Variants in SUPT3H observed in about 807,000 individuals in gnomAD.
The protein encoded by SUPT3H is transcription initiation protein SPT3 homolog.
A neutral mutation model predicts 44.3 loss-of-function variants in SUPT3H; 44 were observed. The ratio of observed to expected loss-of-function variants is 0.99; its 90% confidence interval spans 0.78 to 1.28. The LOEUF is 1.28. SUPT3H is among the 50% of genes most tolerant of loss of function. The probability of loss-of-function intolerance (pLI) is 0.00; values close to 1 mark genes in which losing one functional copy is unlikely to be tolerated. For synonymous variants in SUPT3H, 124 were observed against 125.6 expected, an observed-to-expected ratio of 0.99 and a Z score of 0.09; for missense variants, 380 against 387.1, an observed-to-expected ratio of 0.98 and a Z score of 0.15.
In SUPT3H at chr6:45,225,278, TAAAAAA is replaced by T. The variant is rs11333549; in HGVS notation, c.102-119278_102-119273del. On this transcript the variant is annotated intron_variant, in intron 2 of 10. Coordinates refer to ENST00000371459, the MANE Select transcript of SUPT3H (RefSeq NM_003599.4). ...TGGACAACAAGAGCGAAACTCCATC[TAAAAAA>T]AAAAAAAAAAAGACAATAAAAATAT... Among the ~76,000 whole-genome samples, 6 of 132,148 alleles carry T rather than the reference TAAAAAA, an allele frequency of 4.5e-5. No homozygotes were observed. The Admixed American group carries it at 4.6e-4, about 10-fold the overall frequency. 86.7% of individuals were successfully genotyped at this position (132,148 alleles called of 152,430 possible). A position where few individuals can be genotyped will look rare whatever the true frequency, so the allele number is the denominator to read the frequency against.
At chr6:45,342,557 C>T (rs942347060) in intron 2 of SUPT3H, among the ~76,000 whole-genome samples, 8 of 152,132 alleles carry the variant, frequency 5.3e-5, no homozygotes, top group African/African-American at 1.9e-4. Flanking sequence ...CGACACCCAG[C>T]CCTACAATCT....
intron 6 of SUPT3H, among the ~76,000 whole-genome samples, chr6:44,967,976 G>C (rs1777004912): frequency 6.6e-6 from 1 of 151,880 alleles, no homozygotes; most frequent in Non-Finnish European, 1.5e-5. Context: ...TATTTTTATA[G>C]AGATGAGATC....
At chr6:44,920,559 T>G (rs967689442) in intron 10 of SUPT3H, among the ~76,000 whole-genome samples, 1 of 123,246 alleles carries the variant, frequency 8.1e-6, no homozygotes, top group Non-Finnish European at 1.8e-5. Flanking sequence ...GGGACCTTGT[T>G]TCTTTCAAAA....
At chr6:45,290,358 C>T (rs940604434) in intron 2 of SUPT3H, among the ~76,000 whole-genome samples, 1 of 149,626 alleles carries the variant, frequency 6.7e-6, no homozygotes, top group African/African-American at 2.5e-5. Context: ...CTACCAGGCA[C>T]AGATCAAACT....
At chr6:45,052,650 G>A (rs1790478406) in intron 3 of SUPT3H, among the ~76,000 whole-genome samples, 1 of 152,068 alleles carries the variant, frequency 6.6e-6, no homozygotes, top group African/African-American at 2.4e-5. Flanking sequence ...CTTAGAAAAT[G>A]CCCCATTATT....
At chr6:45,013,147 C>T (rs189542123) in intron 5 of SUPT3H, among the ~76,000 whole-genome samples, 1 of 152,086 alleles carries the variant, frequency 6.6e-6, no homozygotes, top group Admixed American at 6.6e-5. Flanking sequence ...AATGTTGGGC[C>T]CCTGTGAAAT....
chr6:45,370,558 A>G (rs1795887967), intron 1 of SUPT3H, among the ~76,000 whole-genome samples: 1 of 152,208 alleles, frequency 6.6e-6, no homozygotes, highest in African/African-American at 2.4e-5. Context: ...AATCAATATA[A>G]TAGAACTTTG....
chr6:45,130,648 C>T (rs1246062768), intron 2 of SUPT3H, among the ~76,000 whole-genome samples: 1 of 135,500 alleles, frequency 7.4e-6, no homozygotes, highest in African/African-American at 2.9e-5. Flanking sequence ...AAGAGTCACA[C>T]TGGTGAAAGC....
rs59581679 is a variant in SUPT3H, at chr6:45,374,495, G to A, written c.-1+3273C>T. ...GCAGCAGAGCGAGAACTCAAATCAA[G>A]TGTTAGAGCCTCAATAAAATATTTT... On this transcript the variant is annotated intron_variant, in intron 1 of 10. Coordinates refer to ENST00000371459, the MANE Select transcript of SUPT3H (RefSeq NM_003599.4). Among the ~76,000 whole-genome samples, 1,096 of 152,294 alleles carry A rather than the reference G, an allele frequency of 7.2e-3. 19 individuals are homozygous for A. The highest frequency in any genetic ancestry group is 0.025 in the African/African-American group (1,044 of 41,552).
chr6:45,059,796 C>A (rs1215534857), intron 3 of SUPT3H, among the ~76,000 whole-genome samples: 1 of 151,960 alleles, frequency 6.6e-6, no homozygotes, highest in Non-Finnish European at 1.5e-5. Flanking sequence ...TCCTATACAA[C>A]AACAACAGGC....
intron 2 of SUPT3H, among the ~76,000 whole-genome samples, chr6:45,340,252 T>A (rs554555798): frequency 6.6e-6 from 1 of 152,266 alleles, no homozygotes; most frequent in South Asian, 2.1e-4. Context: ...TAAGAAATAC[T>A]AATCTGACAG....
rs752887669 is a variant in SUPT3H, at chr6:45,295,524, CAAAAAAAAAAAAA to C, written c.101+69664_101+69676del. Among the ~76,000 whole-genome samples, 12 of 40,088 alleles carry C rather than the reference CAAAAAAAAAAAAA, an allele frequency of 3.0e-4. No individual in the cohort carries two copies. In the South Asian group the frequency reaches 0.014, roughly 47 times the overall value. 26.3% of individuals were successfully genotyped at this position (40,088 alleles called of 152,430 possible). ...ATTAAACGAAAGAGCTTTTGCACAG[CAAAAAAAAAAAAA>C]AAAAAAAAAAAAAAAAACAGCAGAG... On this transcript the variant is annotated intron_variant, in intron 2 of 10. Coordinates refer to ENST00000371459, the MANE Select transcript of SUPT3H (RefSeq NM_003599.4).
intron 2 of SUPT3H, among the ~76,000 whole-genome samples, chr6:45,217,077 C>G (rs1226369277): frequency 6.6e-6 from 1 of 152,028 alleles, no homozygotes; most frequent in Non-Finnish European, 1.5e-5. Context: ...TTAAATATTG[C>G]TCAATGCCCC....
At chr6:45,218,402 T>C (rs1765437189) in intron 2 of SUPT3H, among the ~76,000 whole-genome samples, 1 of 152,132 alleles carries the variant, frequency 6.6e-6, no homozygotes, top group Admixed American at 6.6e-5. Flanking sequence ...CAACTATACA[T>C]GGGGATTTCA....
intron 2 of SUPT3H, among the ~76,000 whole-genome samples, chr6:45,111,161 T>C (rs2153574184): frequency 6.6e-6 from 1 of 151,822 alleles, no homozygotes; most frequent in East Asian, 1.9e-4. Context: ...GCCTCCTGAG[T>C]AGCTGGGATT....
chr6:45,270,720 C>T (rs1191688417), intron 2 of SUPT3H, among the ~76,000 whole-genome samples: 1 of 152,096 alleles, frequency 6.6e-6, no homozygotes, highest in Admixed American at 6.5e-5. Flanking sequence ...TGAAAAGATA[C>T]CTGAAAATGT....
chr6:44,976,243 T>A (rs1190388579), intron 6 of SUPT3H, among the ~76,000 whole-genome samples: 1 of 152,200 alleles, frequency 6.6e-6, no homozygotes, highest in Non-Finnish European at 1.5e-5. Context: ...CAAGTATGAC[T>A]ATCACGAAGA....
intron 2 of SUPT3H, among the ~76,000 whole-genome samples, chr6:45,195,427 C>A (rs1332645211): frequency 6.6e-6 from 1 of 152,084 alleles, no homozygotes; most frequent in Admixed American, 6.6e-5. Flanking sequence ...TCAAGAACAA[C>A]CTTGTGCTTC....
At chr6:45,261,068 C>A (rs753508022) in intron 2 of SUPT3H, among the ~76,000 whole-genome samples, 1 of 151,818 alleles carries the variant, frequency 6.6e-6, no homozygotes, top group Non-Finnish European at 1.5e-5. Context: ...TTTTTTAAAA[C>A]CCTACCAATC....
Sources: allele counts gnomAD v4.1 joint callset (sites outside exome capture counted in the v4.1 genomes callset), GRCh38; gene constraint gnomAD v4.1.1; transcripts MANE v1.5; gene names NCBI Gene and HGNC (gene_info 2026-07-23, HGNC 2026-07-21).